Variants in TRPC7 observed in about 807,000 individuals in gnomAD.
TRPC7 encodes transient receptor potential cation channel subfamily C member 7.
A neutral mutation model predicts 90.1 loss-of-function variants in TRPC7; 42 were observed. That is an observed-to-expected ratio of 0.47 (90% confidence interval 0.36 to 0.60). TRPC7 has a LOEUF of 0.60. TRPC7 is among the 20% of genes least tolerant of loss of function. The pLI, the probability that TRPC7 is intolerant of heterozygous loss-of-function variation, is 0.00. For missense variants in TRPC7, 955 were observed against 1,112.3 expected, an observed-to-expected ratio of 0.86 and a Z score of 2.01; for synonymous variants, 451 against 436.3, an observed-to-expected ratio of 1.03 and a Z score of -0.42.
At chr5:136,216,005 C>CAAGG (rs1298743064) in intron 11 of TRPC7, among the ~76,000 whole-genome samples, 195 bp downstream of exon 11, 1 of 152,066 alleles carries the variant, frequency 6.6e-6, no homozygotes, top group Non-Finnish European at 1.5e-5. Context: ...CTGTGGCCAG[C>CAAGG]AAGGCAACAG....
chr5:136,240,688 C>T (rs1369267441), intron 7 of TRPC7, among the ~76,000 whole-genome samples: 1 of 152,016 alleles, frequency 6.6e-6, no homozygotes, highest in Admixed American at 6.6e-5. Context: ...AAATTTTAGG[C>T]CTAAGGTGGA....
intron 3 of TRPC7, among the ~76,000 whole-genome samples, chr5:136,302,245 C>G (rs867775022): frequency 3.3e-5 from 5 of 152,202 alleles, no homozygotes; most frequent in Admixed American, 6.5e-5. Flanking sequence ...GGTGTCAGAC[C>G]ACGCAGGGAC....
chr5:136,333,561 G>T (rs1374414201), intron 2 of TRPC7, among the ~76,000 whole-genome samples: 1 of 152,196 alleles, frequency 6.6e-6, no homozygotes, highest in African/African-American at 2.4e-5. Context: ...TTGACATGCT[G>T]TCCTTCTGGC....
intron 2 of TRPC7, among the ~76,000 whole-genome samples, chr5:136,325,697 A>G (rs1298454500): frequency 6.6e-6 from 1 of 152,164 alleles, no homozygotes; most frequent in Admixed American, 6.5e-5. Flanking sequence ...CTAGGGGCAG[A>G]TAATCAGAGG....
At position 136,226,115 on chromosome 5, in the gene TRPC7, C is replaced by T. The variant is rs1397456367; in HGVS notation, c.2181G>A (p.Met727Ile). 1 of 1,599,276 alleles carries T rather than the reference C, an allele frequency of 6.3e-7. No homozygotes were observed. Among genetic ancestry groups the T allele is most frequent in the African/African-American group, 1.3e-5 (1 of 74,950 alleles). ...SFYYLIMRIK[M>I]CLIKLCKSKA... is the part of the protein sequence containing the mutation. ...TAGATTTGCAGAGTTTTATGAGGCA[C>T]ATCTTGATTCTCATTATGAGATAAT... The change falls in exon 9 of 12, where the codon ATG becomes ATA. Residue 727 changes from methionine to isoleucine, a missense_variant. By Grantham distance (10) the Met-to-Ile change is conservative. Around this residue, in one of 4 missense-constraint regions of TRPC7, gnomAD observed 296 missense variants for 422.7 expected, o/e 0.70. Transcript: ENST00000513104.
chr5:136,347,843 A>G (rs1232091574), intron 2 of TRPC7, among the ~76,000 whole-genome samples: 1 of 152,086 alleles, frequency 6.6e-6, no homozygotes, highest in Non-Finnish European at 1.5e-5. Flanking sequence ...CTGGAGCACC[A>G]CTGTGAAGCA....
chr5:136,284,182 C>G (rs535886306), intron 3 of TRPC7, among the ~76,000 whole-genome samples: 1 of 152,324 alleles, frequency 6.6e-6, no homozygotes, highest in Admixed American at 6.5e-5. Context: ...TGCCTATTCT[C>G]AGATGTCAGA....
Position 136,356,598 on chromosome 5 carries a change from G to A in TRPC7, c.780+10C>T, listed in dbSNP as rs1347323855. On this transcript the variant is annotated intron_variant, in intron 2 of 11. Coordinates refer to ENST00000513104, the MANE Select transcript of TRPC7 (RefSeq NM_020389.3). Reference sequence around the variant, plus strand: ...CAACCTGCCTGCAGGGTGCTAAGTGGAAGAGTTACCTTAAATTCAGTCTCA... The same window carrying A: ...CAACCTGCCTGCAGGGTGCTAAGTGAAAGAGTTACCTTAAATTCAGTCTCA... 1.3e-6 allele frequency: 2 copies of A among 1,524,234 alleles called. No homozygotes were observed. The highest frequency in any genetic ancestry group is 1.8e-6 in the Non-Finnish European group (2 of 1,135,222). The allele number at this position is 1,524,234 out of a possible 1,614,324, so 94.4% of individuals were successfully genotyped here.
At chr5:136,250,494 C>T (rs762143051) in intron 6 of TRPC7, among the ~76,000 whole-genome samples, 1 of 152,224 alleles carries the variant, frequency 6.6e-6, no homozygotes, top group Non-Finnish European at 1.5e-5. Flanking sequence ...TTACTGTTAA[C>T]AAGTATCTAC....
At chr5:136,287,450 G>A (rs1459681250) in intron 3 of TRPC7, among the ~76,000 whole-genome samples, 2 of 151,706 alleles carry the variant, frequency 1.3e-5, no homozygotes, top group Non-Finnish European at 2.9e-5. Context: ...AGTTCCAGTT[G>A]AACTCCCTGC....
chr5:136,213,703 G>A (rs1478886386), intron 11 of TRPC7, 99 bp from the exon 12 acceptor site: 10 of 1,376,218 alleles, frequency 7.3e-6, no homozygotes, highest in African/African-American at 1.4e-5. Flanking sequence ...GTGGAATGTC[G>A]GGTCCTGGGC....
chr5:136,216,974 G>A (rs567578959), intron 10 of TRPC7, among the ~76,000 whole-genome samples: 53 of 152,340 alleles, frequency 3.5e-4, no homozygotes, highest in African/African-American at 1.3e-3. Flanking sequence ...AAGCAGGCGA[G>A]GCATGAATAA....
chr5:136,268,700 C>CTA, intron 4 of TRPC7, among the ~76,000 whole-genome samples: 1 of 152,154 alleles, frequency 6.6e-6, no homozygotes, highest in Admixed American at 6.5e-5. Flanking sequence ...ATTATATTTA[C>CTA]TATAAACCAT....
At chr5:136,259,754 A>G (rs917775862) in intron 5 of TRPC7, among the ~76,000 whole-genome samples, 2 of 152,316 alleles carry the variant, frequency 1.3e-5, no homozygotes, top group East Asian at 1.9e-4. Context: ...GGAAGGAGCA[A>G]TGGTCACTGG....
rs1442068175 is a variant in TRPC7, at chr5:136,247,587, C to T, written c.1728G>A (p.Val576=). 2 of 1,613,986 alleles carry T rather than the reference C, an allele frequency of 1.2e-6. No homozygotes were observed. The highest frequency in any genetic ancestry group is 1.7e-6 in the Non-Finnish European group (2 of 1,179,890). Residue 576 remains valine, a synonymous_variant, in exon 7 of 12, where the codon GTG becomes GTA. Coordinates refer to ENST00000513104, the MANE Select transcript of TRPC7 (RefSeq NM_020389.3). The surrounding 1 kb of genome is among the most constrained non-coding windows in gnomAD (Gnocchi z 4.2). Reference sequence around the variant, plus strand: ...TGACCATGAACTTGAAGATATCTTTCACAGTTCTCCCTAGCGAGATCTGCA... The same window carrying T: ...TGACCATGAACTTGAAGATATCTTTTACAGTTCTCCCTAGCGAGATCTGCA... ...GPLQISLGRT[V]KDIFKFMVIF...
At chr5:136,336,887 C>A (rs1759682590) in intron 2 of TRPC7, among the ~76,000 whole-genome samples, 1 of 152,194 alleles carries the variant, frequency 6.6e-6, no homozygotes, top group South Asian at 2.1e-4. Context: ...TTAGTCTAAG[C>A]ATCTGCCTTT....
At chr5:136,307,614 C>A (rs1002522770) in intron 3 of TRPC7, among the ~76,000 whole-genome samples, 5 of 152,184 alleles carry the variant, frequency 3.3e-5, no homozygotes, top group Non-Finnish European at 7.4e-5. Flanking sequence ...TATTTCTCCC[C>A]CTCCCCCTTC....
chr5:136,358,513 T>A (rs547918233), intron 1 of TRPC7, among the ~76,000 whole-genome samples: 43 of 152,274 alleles, frequency 2.8e-4, no homozygotes, highest in Non-Finnish European at 5.7e-4. Context: ...GACTTTGAAG[T>A]TAGAAGGTTT....
chr5:136,361,092 C>A (rs1380218235), intron 1 of TRPC7, among the ~76,000 whole-genome samples: 1 of 152,186 alleles, frequency 6.6e-6, no homozygotes, highest in Non-Finnish European at 1.5e-5. Flanking sequence ...ACTCATGAAT[C>A]AGATGTGCTG....
Sources: gnomAD v4.1 joint callset for allele counts (sites outside exome capture counted in the v4.1 genomes callset) on GRCh38, gnomAD v4.1.1 for gene constraint, gnomAD v4.1.1 regional missense constraint, Gnocchi (gnomAD v3.1) non-coding constraint, MANE v1.5 for transcripts, NCBI Gene and HGNC (gene_info 2026-07-23, HGNC 2026-07-21) for gene names.